The following IL2RB variants were observed in gnomAD, a reference collection of about 807,000 sequenced individuals.
IL2RB encodes interleukin-2 receptor subunit beta.
A neutral mutation model predicts 44.2 loss-of-function variants in IL2RB; 17 were observed. The ratio of observed to expected loss-of-function variants is 0.38; its 90% CI spans 0.26 to 0.58. The LOEUF (loss-of-function observed/expected upper bound fraction) is 0.58, where lower values mean the gene tolerates loss of function less well. Among genes scored for constraint, IL2RB ranks in the 20% least tolerant of loss-of-function variants. The pLI is 0.63. For missense variants in IL2RB, 624 were observed against 685.5 expected (o/e 0.91, Z 1.00); for synonymous variants, 286 against 297.9 (o/e 0.96, Z 0.41).
Position 37,141,866 on chromosome 22 carries a change from G to T in IL2RB, c.282+568C>A, listed in dbSNP as rs1921983265. On this transcript the variant is annotated intron_variant, in intron 4 of 9. Coordinates refer to ENST00000216223, the MANE Select transcript of IL2RB (RefSeq NM_000878.5). The surrounding 1 kb of genome is among the most constrained non-coding windows in gnomAD (Gnocchi z 4.4). ...CTGGGCAGAAGGAGGCGGGTCCCTG[G>T]TGAGGTCCCACCTTCAGGCTGGGGA... Among the ~76,000 whole-genome samples the T allele has an allele frequency of 6.6e-6, 1 of 152,204 alleles. No homozygotes were observed. Among genetic ancestry groups the T allele is most frequent in the Non-Finnish European group, 1.5e-5 (1 of 68,018 alleles).
intron 1 of IL2RB, among the ~76,000 whole-genome samples, chr22:37,169,578 GC>G (rs947441659): frequency 6.6e-6 from 1 of 152,060 alleles, no homozygotes; most frequent in Non-Finnish European, 1.5e-5. Flanking sequence ...CCCTAACTGG[GC>G]CCCCTCTTGA....
intron 1 of IL2RB, among the ~76,000 whole-genome samples, chr22:37,163,681 C>A (rs572618104): frequency 3.9e-5 from 6 of 152,344 alleles, no homozygotes; most frequent in African/African-American, 1.4e-4. Context: ...CTGAGGCCCC[C>A]CATTCGGGGG....
intron 7 of IL2RB, among the ~76,000 whole-genome samples, chr22:37,135,989 G>A (rs1921670720): frequency 6.6e-6 from 1 of 152,170 alleles, no homozygotes; most frequent in Admixed American, 6.5e-5. Context: ...ATTTCAGGGT[G>A]GAGAAGAGTG....
rs373005180 is a variant in IL2RB, at chr22:37,135,247, TGC to T, written c.818+79_818+80del. 3 of 880,684 alleles carry T rather than the reference TGC, an allele frequency of 3.4e-6. No homozygotes were observed. The African/African-American group carries it at 5.0e-5, about 15-fold the overall frequency. 54.6% of individuals were successfully genotyped at this position (880,684 alleles called of 1,614,324 possible). ...GTGTGTGTGTGTATGTGTGCTTGTGTGCGTGTGTGTGCATGTGTGTGCATGTG... is the reference window on the plus strand; with the variant it reads ...GTGTGTGTGTGTATGTGTGCTTGTGTGTGTGTGTGCATGTGTGTGCATGTG... On this transcript the variant is annotated intron_variant, in intron 8 of 9. Coordinates refer to ENST00000216223, the MANE Select transcript of IL2RB (RefSeq NM_000878.5).
intron 1 of IL2RB, among the ~76,000 whole-genome samples, chr22:37,169,318 T>C (rs1923193659): frequency 6.8e-6 from 1 of 147,712 alleles, no homozygotes; most frequent in Non-Finnish European, 1.5e-5. Flanking sequence ...GTTTACACGT[T>C]TACAGAGGGG....
At position 37,132,496 on chromosome 22, in the gene IL2RB, A is replaced by T. The variant is rs776874332; in HGVS notation, c.819-28T>A. The stretch of plus-strand genomic sequence containing the variant: ...GGACAGAGGAGAGGAGGGAAGGAGG[A>T]GGGTGAGAAAGGGAAGGACCGCGGT... On this transcript the variant is annotated intron_variant, in intron 8 of 9. Transcript: ENST00000216223. 8.3e-6 allele frequency: 13 copies of T among 1,566,532 alleles called. No homozygotes were observed. In the South Asian group the frequency reaches 1.3e-4, roughly 16 times the overall value.
At chr22:37,172,495 G>A (rs984248251) in intron 1 of IL2RB, among the ~76,000 whole-genome samples, 1 of 152,152 alleles carries the variant, frequency 6.6e-6, no homozygotes, top group Non-Finnish European at 1.5e-5. Flanking sequence ...GTAGAGAGAT[G>A]AGCCCAAGGG....
At chr22:37,143,681 GC>G (rs769018203) in intron 2 of IL2RB, 46 bp from the exon 3 acceptor site, 12 of 1,357,584 alleles carry the variant, frequency 8.8e-6, no homozygotes, top group Middle Eastern at 1.8e-4. Flanking sequence ...GGTGCCCACA[GC>G]CCCCCCAAGA....
rs1921623859 is a variant in IL2RB, at chr22:37,135,229, T to C, written c.818+99A>G. 11 of 774,898 alleles carry C rather than the reference T, an allele frequency of 1.4e-5. No individual in the cohort carries two copies. The South Asian group carries it at 1.7e-4, about 12-fold the overall frequency. 48.0% of individuals were successfully genotyped at this position (774,898 alleles called of 1,614,324 possible). The stretch of plus-strand genomic sequence containing the variant: ...ATGTGTTCATGTAAGTGTGTGTGTG[T>C]GTGTATGTGTGCTTGTGTGCGTGTG... On this transcript the variant is annotated intron_variant, in intron 8 of 9. Transcript: ENST00000216223.
intron 1 of IL2RB, among the ~76,000 whole-genome samples, chr22:37,163,006 G>A (rs1348278819): frequency 6.6e-6 from 1 of 152,212 alleles, no homozygotes; most frequent in East Asian, 1.9e-4. Flanking sequence ...AGGGGCATGA[G>A]CACTGGACTG....
chr22:37,128,482 T>C lies in IL2RB; in HGVS notation c.1270A>G (p.Arg424Gly), dbSNP rs780605415. ...EDDAYCTFPS[R>G]DDLLLFSPSL... ...GGGGAGAAGAGCAGCAGGTCATCCC[T>C]GGAGGGGAAGGTGCAGTAGGCGTCG... The change falls in exon 10 of 10, where the codon AGG becomes GGG. Residue 424 changes from arginine (R) to glycine (G), a missense_variant. This residue lies in a region of IL2RB where 291 missense variants were observed against 275.5 expected (regional missense o/e 1.06). Coordinates refer to ENST00000216223, the MANE Select transcript of IL2RB (RefSeq NM_000878.5). This position sits in a 1 kb window ranked among gnomAD's most constrained non-coding sequence, Gnocchi z 4.5. 2 of 1,598,314 alleles carry C rather than the reference T, an allele frequency of 1.3e-6. No individual in the cohort carries two copies. Among genetic ancestry groups the C allele is most frequent in the East Asian group, 2.2e-5 (1 of 44,560 alleles).
intron 1 of IL2RB, among the ~76,000 whole-genome samples, chr22:37,172,238 A>C (rs978210100): frequency 2.7e-5 from 4 of 146,058 alleles, no homozygotes; most frequent in Non-Finnish European, 6.0e-5. Context: ...AAAAAAAGTG[A>C]TGTTGGGGAT....
At chr22:37,137,463 T>G in intron 6 of IL2RB, 124 bp downstream of exon 6, 2 of 976,234 alleles carry the variant, frequency 2.0e-6, no homozygotes, top group East Asian at 4.8e-5. Context: ...GAAAGAGCAC[T>G]GGACTCAGCC....
chr22:37,171,347 G>C lies in IL2RB; in HGVS notation c.-34+3611C>G, dbSNP rs558135094. On this transcript the variant is annotated intron_variant, in intron 1 of 5. Transcript: ENST00000429622. ...CTATGTGCCAAACCCTTTTTCTAGA[G>C]GCTTAGGACACAACAGTGAACAAAA... 1.2e-4 allele frequency among the ~76,000 whole-genome samples: 18 copies of C among 152,246 alleles called. 1 individual carries two copies. The South Asian group carries it at 3.7e-3, about 32-fold the overall frequency.
intron 3 of IL2RB, among the ~76,000 whole-genome samples, chr22:37,142,923 C>T (rs934073538): frequency 9.9e-5 from 15 of 152,048 alleles, no homozygotes; most frequent in African/African-American, 3.1e-4. Flanking sequence ...ATCTCCCTCC[C>T]CATTTTCCCC....
chr22:37,143,336 C>T (rs1294113244), intron 3 of IL2RB, among the ~76,000 whole-genome samples, 185 bp downstream of exon 3: 1 of 152,220 alleles, frequency 6.6e-6, no homozygotes, highest in Non-Finnish European at 1.5e-5. Context: ...AAATAGCTGA[C>T]TCCCAAATTC....
intron 1 of IL2RB, among the ~76,000 whole-genome samples, chr22:37,165,668 GGC>G (rs1923045496): frequency 6.6e-6 from 1 of 151,726 alleles, no homozygotes; most frequent in Non-Finnish European, 1.5e-5. Flanking sequence ...TGGAGAAGAG[GGC>G]TTTTTTTAAA....
At chr22:37,161,190 C>T (rs1304993635) in intron 1 of IL2RB, among the ~76,000 whole-genome samples, 1 of 152,124 alleles carries the variant, frequency 6.6e-6, no homozygotes, top group Non-Finnish European at 1.5e-5. Context: ...AAAATACTCG[C>T]CATTAATTCT....
chr22:37,129,720 T>A (rs988790819), intron 9 of IL2RB, among the ~76,000 whole-genome samples: 2 of 152,194 alleles, frequency 1.3e-5, no homozygotes, highest in Non-Finnish European at 2.9e-5. Context: ...AATGGAGATG[T>A]AAACACCCAA....
Sources: allele counts gnomAD v4.1 joint callset (sites outside exome capture counted in the v4.1 genomes callset), GRCh38; gene constraint gnomAD v4.1.1; regional missense constraint gnomAD v4.1.1; non-coding constraint Gnocchi (gnomAD v3.1); transcripts MANE v1.5; gene names NCBI Gene and HGNC (gene_info 2026-07-23, HGNC 2026-07-21).